ARHGEF26: variants seen among roughly 807,000 people sequenced by gnomAD.
ARHGEF26 encodes Rho guanine nucleotide exchange factor 26, also known as Rho guanine nucleotide exchange factor (GEF) 26.
A neutral mutation model predicts 89.4 loss-of-function variants in ARHGEF26; 59 were observed. The ratio of observed to expected loss-of-function variants is 0.66; its 90% confidence interval spans 0.54 to 0.82. The LOEUF is 0.82. Ranked by LOEUF, ARHGEF26 falls within the 40% of genes least tolerant of loss-of-function variation. The probability of loss-of-function intolerance (pLI) is 0.00; values close to 1 mark genes in which losing one functional copy is unlikely to be tolerated. For synonymous variants in ARHGEF26, 500 were observed against 428.4 expected (o/e 1.17, Z -2.06); for missense variants, 1,234 against 1,085.6 (o/e 1.14, Z -1.92).
intron 6 of ARHGEF26, among the ~76,000 whole-genome samples, chr3:154,182,819 A>G (rs1713267748): frequency 6.6e-6 from 1 of 152,162 alleles, no homozygotes; most frequent in South Asian, 2.1e-4. Context: ...TGGTTTTCTT[A>G]TCTATAAAAT....
At chr3:154,210,206 C>T (rs554830440) in intron 9 of ARHGEF26, among the ~76,000 whole-genome samples, 3 of 152,184 alleles carry the variant, frequency 2.0e-5, no homozygotes, top group Admixed American at 6.5e-5. Context: ...GTCCTGGAGT[C>T]GGGGACCCCA....
rs535351987 is a variant in ARHGEF26 at position 154,242,300 on chromosome 3, C to T, written c.2300+1721C>T. 7.4e-4 allele frequency among the ~76,000 whole-genome samples: 112 copies of T among 152,292 alleles called. 1 individual carries two copies. Among genetic ancestry groups the T allele is most frequent in the Non-Finnish European group, 2.2e-4 (15 of 68,020 alleles). Reference sequence around the variant, plus strand: ...TCACCATCGTAGATGTCATTAAAAACATTCATAATTTCATGGGAGGAGATC... The same window carrying T: ...TCACCATCGTAGATGTCATTAAAAATATTCATAATTTCATGGGAGGAGATC... On this transcript the variant is annotated intron_variant, in intron 12 of 14. Coordinates refer to ENST00000465093, the MANE Select transcript of ARHGEF26 (RefSeq NM_015595.4).
chr3:154,255,566 C>T lies in ARHGEF26; in HGVS notation c.*93C>T, dbSNP rs1033265158. The stretch of plus-strand genomic sequence containing the variant: ...AGTTTTATTGTTAATTTTGTCACAG[C>T]CTATTTAATTAAAAGAACGAAAACA... On this transcript the variant is annotated 3_prime_UTR_variant, in exon 15 of 15. Transcript: ENST00000465093. 10 of 1,494,204 alleles carry T rather than the reference C, an allele frequency of 6.7e-6. No individual in the cohort carries two copies. The highest frequency in any genetic ancestry group is 2.6e-5 in the Admixed American group (1 of 38,126). 92.6% of individuals were successfully genotyped at this position (1,494,204 alleles called of 1,614,324 possible).
intron 6 of ARHGEF26, among the ~76,000 whole-genome samples, chr3:154,186,983 C>T (rs1343583576): frequency 6.8e-6 from 1 of 146,074 alleles, no homozygotes; most frequent in Non-Finnish European, 1.5e-5. Flanking sequence ...CCTCCGCCTC[C>T]TGGGTTCAAG....
rs756714768 is a variant in ARHGEF26 at position 154,121,978 on chromosome 3, C to T, written c.-15C>T. The T allele has an allele frequency of 3.2e-6, 5 of 1,577,752 alleles. No individual in the cohort carries two copies. The highest frequency in any genetic ancestry group is 3.5e-6 in the Non-Finnish European group (4 of 1,156,370). On this transcript the variant is annotated 5_prime_UTR_variant, in exon 2 of 15. Transcript: ENST00000465093. ...TCGGTGTTGCTCCTCCCGGCGCTGA[C>T]TTCGAGGCCCGGCTATGGACGGCGA...
In ARHGEF26 at chr3:154,197,384, A is replaced by G. The variant is rs1373007950; in HGVS notation, c.1845+2666A>G. Among the ~76,000 whole-genome samples the G allele has an allele frequency of 5.9e-5, 9 of 152,280 alleles. No individual in the cohort carries two copies. In the East Asian group the frequency reaches 1.7e-3, roughly 29 times the overall value. On this transcript the variant is annotated intron_variant, in intron 9 of 14. Transcript: ENST00000465093. ...AGCAGAAAGAGTATGCATAGAGAGC[A>G]TTTATGGTTTAGAATGAAAATGTAG...
At chr3:154,126,810 G>C (rs1398970072) in intron 3 of ARHGEF26, among the ~76,000 whole-genome samples, 1 of 152,134 alleles carries the variant, frequency 6.6e-6, no homozygotes, top group Non-Finnish European at 1.5e-5. Context: ...TTAATGATGA[G>C]GATACATTCT....
intron 6 of ARHGEF26, among the ~76,000 whole-genome samples, chr3:154,155,820 G>A (rs1281861644): frequency 6.6e-6 from 1 of 151,742 alleles, no homozygotes; most frequent in Non-Finnish European, 1.5e-5. Flanking sequence ...GAAAACTGAA[G>A]GAAAATTCTA....
Position 154,225,982 on chromosome 3 carries a change from G to C in ARHGEF26, c.2062G>C (p.Asp688His). Residue 688 changes from aspartate (D) to histidine (H), a missense_variant, in exon 11 of 15, where the codon GAT (aspartate) becomes CAT (histidine). Asp to His is a moderately conservative substitution (Grantham distance 81). Transcript: ENST00000465093. Reference protein sequence around the residue: ...KQQVYFFLFNDVLIITKKKSE... With the variant: ...KQQVYFFLFNHVLIITKKKSE... ...GCAAGTCTACTTCTTTCTCTTTAAC[G>C]ATGTGCTCATTATCACCAAGAAGAA... The C allele has an allele frequency of 6.2e-7, 1 of 1,612,326 alleles. No homozygotes were observed. Among genetic ancestry groups the C allele is most frequent in the Non-Finnish European group, 8.5e-7 (1 of 1,179,234 alleles).
intron 11 of ARHGEF26, among the ~76,000 whole-genome samples, chr3:154,227,173 A>G (rs1176583326): frequency 6.6e-6 from 1 of 152,218 alleles, no homozygotes; most frequent in African/African-American, 2.4e-5. Flanking sequence ...ACAATGATAC[A>G]TACATTAAAA....
chr3:154,253,295 C>A, intron 13 of ARHGEF26, 112 bp downstream of exon 13: 1 of 1,242,978 alleles, frequency 8.0e-7, no homozygotes. Flanking sequence ...AAGTTTCCTC[C>A]AGGGCTTCCT....
intron 6 of ARHGEF26, among the ~76,000 whole-genome samples, chr3:154,153,483 T>A (rs1727954): frequency 0.91 from 138,056 of 152,060 alleles, 62,889 homozygotes; most frequent in East Asian, 1. Flanking sequence ...GTATATACAT[T>A]GGATGTTTTA....
chr3:154,212,415 A>G (rs1199507128), intron 9 of ARHGEF26, among the ~76,000 whole-genome samples: 2 of 152,096 alleles, frequency 1.3e-5, no homozygotes, highest in Admixed American at 6.5e-5. Context: ...CTTAAGAGAC[A>G]GTAAAATGCA....
chr3:154,244,713 TTTATAA>T (rs1315113750), intron 12 of ARHGEF26, among the ~76,000 whole-genome samples: 2 of 150,826 alleles, frequency 1.3e-5, no homozygotes, highest in African/African-American at 4.9e-5. Context: ...TATACACATA[TTTATAA>T]TTATATACAT....
intron 11 of ARHGEF26, among the ~76,000 whole-genome samples, chr3:154,238,161 C>T (rs357502): frequency 0.69 from 105,337 of 152,058 alleles, 37,110 homozygotes; most frequent in South Asian, 0.78. Flanking sequence ...AAAAAATGAC[C>T]GTATTTGTTT....
intron 9 of ARHGEF26, among the ~76,000 whole-genome samples, chr3:154,205,181 G>A (rs998518858): frequency 2.6e-5 from 4 of 151,982 alleles, no homozygotes; most frequent in African/African-American, 9.7e-5. Flanking sequence ...ATATCTATGT[G>A]TTCCAGTGTT....
chr3:154,233,631 C>T (rs1716940746), intron 11 of ARHGEF26, among the ~76,000 whole-genome samples: 1 of 152,124 alleles, frequency 6.6e-6, no homozygotes, highest in South Asian at 2.1e-4. Context: ...TGGAGAGTGT[C>T]CCCAAAGAAG....
intron 6 of ARHGEF26, among the ~76,000 whole-genome samples, chr3:154,163,747 A>G (rs1711809915): frequency 6.6e-6 from 1 of 152,180 alleles, no homozygotes; most frequent in Admixed American, 6.5e-5. Flanking sequence ...TTTCTCATGG[A>G]CATTGTTCCC....
intron 6 of ARHGEF26, among the ~76,000 whole-genome samples, chr3:154,153,173 T>G (rs1559864829): frequency 6.6e-6 from 1 of 152,170 alleles, no homozygotes. Context: ...TTCCCCACTT[T>G]GCTTGCTCTT....
Sources: allele counts gnomAD v4.1 joint callset (sites outside exome capture counted in the v4.1 genomes callset), GRCh38; gene constraint gnomAD v4.1.1; transcripts MANE v1.5; gene names NCBI Gene and HGNC (gene_info 2026-07-23, HGNC 2026-07-21).